Variants in GPR39 observed in about 807,000 individuals in gnomAD.
GPR39 encodes G protein-coupled receptor 39, also known as zinc sensing receptor.
A neutral mutation model predicts 18.4 loss-of-function variants in GPR39; 23 were observed. The ratio of observed to expected loss-of-function variants is 1.25; its 90% CI spans 0.90 to 1.77. The LOEUF (loss-of-function observed/expected upper bound fraction) is 1.77. GPR39 is among the 40% of genes most tolerant of loss of function. The pLI, the probability that GPR39 is intolerant of heterozygous loss-of-function variation, is 0.00. For missense variants in GPR39, 647 were observed against 602.4 expected, an observed-to-expected ratio of 1.07 and a Z score of -0.78; for synonymous variants, 280 against 257.9, an observed-to-expected ratio of 1.09 and a Z score of -0.82.
chr2:132,605,638 A>G (rs1181554590), intron 1 of GPR39, among the ~76,000 whole-genome samples: 1 of 152,058 alleles, frequency 6.6e-6, no homozygotes, highest in Non-Finnish European at 1.5e-5. Flanking sequence ...CGTGGTTTTT[A>G]TAATGTATCT....
At chr2:132,613,031 TC>T (rs937995250) in intron 1 of GPR39, among the ~76,000 whole-genome samples, 1 of 152,218 alleles carries the variant, frequency 6.6e-6, no homozygotes, top group Non-Finnish European at 1.5e-5. Flanking sequence ...AAAGATTTAT[TC>T]CTAGATATCC....
intron 1 of GPR39, among the ~76,000 whole-genome samples, chr2:132,530,249 G>A (rs1679590206): frequency 6.6e-6 from 1 of 152,108 alleles, no homozygotes; most frequent in Non-Finnish European, 1.5e-5. Context: ...GGAAGAAAGG[G>A]TATCAGTGAT....
At chr2:132,581,026 C>A (rs1680613944) in intron 1 of GPR39, among the ~76,000 whole-genome samples, 1 of 147,318 alleles carries the variant, frequency 6.8e-6, no homozygotes, top group South Asian at 2.2e-4. Context: ...ACTGACTTCT[C>A]TTTTGTGGTA....
At chr2:132,598,337 A>G (rs1215349584) in intron 1 of GPR39, among the ~76,000 whole-genome samples, 1 of 150,256 alleles carries the variant, frequency 6.7e-6, no homozygotes, top group African/African-American at 2.4e-5. Flanking sequence ...ATGGCTCTCA[A>G]TTTGAGTTGG....
intron 1 of GPR39, among the ~76,000 whole-genome samples, chr2:132,554,762 C>T (rs1333611455): frequency 2.6e-5 from 4 of 152,220 alleles, no homozygotes; most frequent in African/African-American, 9.6e-5. Context: ...AAAGGATCTG[C>T]ACAAGCATTT....
intron 1 of GPR39, among the ~76,000 whole-genome samples, chr2:132,589,024 A>G (rs1321335507): frequency 6.6e-6 from 1 of 152,196 alleles, no homozygotes; most frequent in Non-Finnish European, 1.5e-5. Context: ...ATGCCTAAAC[A>G]ACTGGTTGGT....
intron 1 of GPR39, among the ~76,000 whole-genome samples, chr2:132,461,814 A>G (rs1280538006): frequency 6.6e-6 from 1 of 152,200 alleles, no homozygotes; most frequent in African/African-American, 2.4e-5. Flanking sequence ...CCTGGCAGCC[A>G]TTGCCCCAGT....
At chr2:132,555,343 G>A (rs954780565) in intron 1 of GPR39, among the ~76,000 whole-genome samples, 3 of 152,188 alleles carry the variant, frequency 2.0e-5, no homozygotes, top group African/African-American at 4.8e-5. Context: ...GGTCAGGAAT[G>A]CAGAAGGGGC....
At chr2:132,620,377 C>T (rs569809122) in intron 1 of GPR39, among the ~76,000 whole-genome samples, 1 of 152,242 alleles carries the variant, frequency 6.6e-6, no homozygotes, top group East Asian at 1.9e-4. Context: ...GCCTGTGACT[C>T]AGTCATGAAA....
chr2:132,435,584 G>T (rs1293014024), intron 1 of GPR39, among the ~76,000 whole-genome samples: 1 of 152,184 alleles, frequency 6.6e-6, no homozygotes, highest in Non-Finnish European at 1.5e-5. Context: ...GCAGGGAAGG[G>T]TGTGTTAGAC....
intron 1 of GPR39, among the ~76,000 whole-genome samples, chr2:132,506,193 A>G (rs568353474): frequency 6.6e-6 from 1 of 151,432 alleles, no homozygotes; most frequent in South Asian, 2.1e-4. Flanking sequence ...AGCCATTTCT[A>G]TGTTTTCTTT....
intron 1 of GPR39, among the ~76,000 whole-genome samples, chr2:132,430,083 G>T (rs868325473): frequency 3.9e-5 from 6 of 152,248 alleles, no homozygotes; most frequent in Non-Finnish European, 4.4e-5. Context: ...TGTGGCCAAG[G>T]TGTGTGTTGC....
At chr2:132,444,815 T>C (rs898182238) in intron 1 of GPR39, among the ~76,000 whole-genome samples, 6 of 152,160 alleles carry the variant, frequency 3.9e-5, no homozygotes, top group African/African-American at 1.4e-4. Flanking sequence ...TAGTTCAGAG[T>C]AGCAGTGGCC....
intron 1 of GPR39, among the ~76,000 whole-genome samples, chr2:132,481,398 A>G (rs1427205708): frequency 6.6e-6 from 1 of 152,224 alleles, no homozygotes; most frequent in African/African-American, 2.4e-5. Flanking sequence ...ATTGGTCTAC[A>G]AAGATAATCA....
chr2:132,533,794 G>C (rs566827207), intron 1 of GPR39, among the ~76,000 whole-genome samples: 121 of 152,264 alleles, frequency 7.9e-4, no homozygotes, highest in Non-Finnish European at 1.2e-3. Context: ...GCCATATGTA[G>C]AAAGCTGAAA....
intron 1 of GPR39, among the ~76,000 whole-genome samples, chr2:132,552,907 C>G (rs1381940628): frequency 1.1e-5 from 1 of 90,942 alleles, no homozygotes; most frequent in African/African-American, 5.7e-5. Flanking sequence ...TATATACACA[C>G]ACATATATAT....
At chr2:132,544,693 A>G (rs1558834185) in intron 1 of GPR39, among the ~76,000 whole-genome samples, 1 of 152,214 alleles carries the variant, frequency 6.6e-6, no homozygotes, top group Non-Finnish European at 1.5e-5. Context: ...CGCCAGCATT[A>G]CAGCTTGTAT....
chr2:132,463,591 A>G (rs944824418), intron 1 of GPR39, among the ~76,000 whole-genome samples: 20 of 152,132 alleles, frequency 1.3e-4, no homozygotes, highest in African/African-American at 4.8e-4. Context: ...GAGGCAAGAA[A>G]AAGGAGAAGG....
chr2:132,618,982 T>C (rs1187063525), intron 1 of GPR39, among the ~76,000 whole-genome samples: 2 of 151,810 alleles, frequency 1.3e-5, no homozygotes, highest in Non-Finnish European at 1.5e-5. Context: ...TTCCTGGGAG[T>C]CGGCAGGCCT....
Sources: allele counts gnomAD v4.1 joint callset (sites outside exome capture counted in the v4.1 genomes callset), GRCh38; gene constraint gnomAD v4.1.1; transcripts MANE v1.5; gene names NCBI Gene and HGNC (gene_info 2026-07-23, HGNC 2026-07-21).